GRID2: variants seen among roughly 807,000 people sequenced by gnomAD.
GRID2 encodes the protein glutamate receptor ionotropic, delta-2.
GRID2 carries 33 observed loss-of-function variants against 114.8 expected under a neutral mutation model. The ratio of observed to expected loss-of-function variants is 0.29; its 90% CI spans 0.22 to 0.38. GRID2 has a LOEUF of 0.38. GRID2 is among the 10% of genes least tolerant of loss of function. GRID2 has a pLI of 1.00. For missense variants in GRID2, 1,184 were observed against 1,257.7 expected, an observed-to-expected ratio of 0.94 and a Z score of 0.89; for synonymous variants, 505 against 449.9, an observed-to-expected ratio of 1.12 and a Z score of -1.55.
intron 14 of GRID2, among the ~76,000 whole-genome samples, chr4:93,644,503 A>G (rs902944566): frequency 6.6e-6 from 1 of 152,042 alleles, no homozygotes; most frequent in Non-Finnish European, 1.5e-5. Flanking sequence ...TTTTGTTCTG[A>G]TGATTTTTCT....
intron 4 of GRID2, among the ~76,000 whole-genome samples, chr4:93,147,031 C>T (rs958725474): frequency 2.0e-5 from 3 of 151,874 alleles, no homozygotes; most frequent in South Asian, 2.1e-4. Context: ...AAATGTATTC[C>T]GTAAAGGTCT....
At chr4:92,823,314 A>G (rs1214657304) in intron 2 of GRID2, among the ~76,000 whole-genome samples, 3 of 152,168 alleles carry the variant, frequency 2.0e-5, no homozygotes, top group Non-Finnish European at 4.4e-5. Context: ...GCAGCCTTTT[A>G]TATTTAAAAT....
At chr4:93,778,662 T>G (rs1259452544), downstream of GRID2, among the ~76,000 whole-genome samples, 1 of 152,152 alleles carries the variant, frequency 6.6e-6, no homozygotes, top group Non-Finnish European at 1.5e-5. Context: ...TCTCCCAAAG[T>G]GCTGAGATTA....
At chr4:92,792,087 C>A (rs1739617103) in intron 2 of GRID2, among the ~76,000 whole-genome samples, 1 of 151,772 alleles carries the variant, frequency 6.6e-6, no homozygotes, top group Non-Finnish European at 1.5e-5. Context: ...ACTTGGTGAC[C>A]AAGAGCCTCT....
intron 2 of GRID2, among the ~76,000 whole-genome samples, chr4:92,895,206 G>A (rs1747071623): frequency 6.6e-6 from 1 of 151,528 alleles, no homozygotes; most frequent in Admixed American, 6.6e-5. Context: ...AGGCCAACAT[G>A]GGGTAGAATG....
At chr4:93,170,193 C>G (rs1055188986) in intron 4 of GRID2, among the ~76,000 whole-genome samples, 1 of 152,116 alleles carries the variant, frequency 6.6e-6, no homozygotes, top group Admixed American at 6.5e-5. Context: ...AAGCAATTCT[C>G]CTACCTTAGC....
At chr4:92,672,941 A>G (rs1487798688) in intron 2 of GRID2, among the ~76,000 whole-genome samples, 3 of 152,104 alleles carry the variant, frequency 2.0e-5, no homozygotes, top group Non-Finnish European at 4.4e-5. Context: ...GTGTGTATTT[A>G]AGCCCATTAA....
At chr4:93,440,017 G>A (rs774600156) in intron 10 of GRID2, among the ~76,000 whole-genome samples, 1 of 152,030 alleles carries the variant, frequency 6.6e-6, no homozygotes, top group Non-Finnish European at 1.5e-5. Flanking sequence ...GAGCTGGCAA[G>A]GACAAAGACC....
At chr4:93,752,439 T>C (rs193173852) in intron 14 of GRID2, among the ~76,000 whole-genome samples, 84 of 152,250 alleles carry the variant, frequency 5.5e-4, no homozygotes, top group Non-Finnish European at 1.1e-3. Context: ...GGTGCAATCT[T>C]GGCTCACTGC....
chr4:93,013,889 G>T (rs1044507600), intron 2 of GRID2, among the ~76,000 whole-genome samples: 3 of 151,716 alleles, frequency 2.0e-5, no homozygotes, highest in African/African-American at 7.3e-5. Context: ...GCATATTGTA[G>T]GATTAGGGAA....
chr4:92,892,190 A>G (rs1746839024), intron 2 of GRID2, among the ~76,000 whole-genome samples: 1 of 152,138 alleles, frequency 6.6e-6, no homozygotes, highest in Middle Eastern at 3.4e-3. Flanking sequence ...AAGCCTCCCT[A>G]GTAGCTGGGA....
At chr4:93,355,459 A>T (rs1006266112) in intron 8 of GRID2, among the ~76,000 whole-genome samples, 4 of 152,058 alleles carry the variant, frequency 2.6e-5, no homozygotes, top group African/African-American at 9.7e-5. Flanking sequence ...TTCTCACAGC[A>T]CAGCTGAAGA....
At chr4:92,763,607 C>T (rs1738124930) in intron 2 of GRID2, among the ~76,000 whole-genome samples, 1 of 152,138 alleles carries the variant, frequency 6.6e-6, no homozygotes, top group African/African-American at 2.4e-5. Flanking sequence ...ATTTTGTACC[C>T]ATATAAGTGA....
intron 2 of GRID2, among the ~76,000 whole-genome samples, chr4:92,818,775 A>G (rs1741075474): frequency 6.6e-6 from 1 of 152,140 alleles, no homozygotes; most frequent in African/African-American, 2.4e-5. Flanking sequence ...TATCAGACAC[A>G]TATGAATATA....
rs58755199 is a variant in GRID2 at position 93,317,986 on chromosome 4, AATATATATATATATATATATAT to A, written c.1246-77606_1246-77585del. ...GTTTTATCTTTCCCTTTAAAAGTGA[AATATATATATATATATATATAT>A]ATATATATATATATTACTACTTTCT... On this transcript the variant is annotated intron_variant, in intron 8 of 15. Coordinates refer to ENST00000282020, the MANE Select transcript of GRID2 (RefSeq NM_001510.4). Among the ~76,000 whole-genome samples, 73 of 100,916 alleles carry A rather than the reference AATATATATATATATATATATAT, an allele frequency of 7.2e-4. 1 individual carries two copies. The East Asian group carries it at 0.01, about 14-fold the overall frequency. 66.2% of individuals were successfully genotyped at this position (100,916 alleles called of 152,430 possible). A position where few individuals can be genotyped will look rare whatever the true frequency, so the allele number is the denominator to read the frequency against.
At chr4:93,088,648 G>A (rs986263954) in intron 3 of GRID2, among the ~76,000 whole-genome samples, 2 of 152,086 alleles carry the variant, frequency 1.3e-5, no homozygotes, top group Non-Finnish European at 2.9e-5. Context: ...AATAGACAGT[G>A]TGATCAAATA....
At chr4:92,986,899 G>A (rs1754540197) in intron 2 of GRID2, among the ~76,000 whole-genome samples, 1 of 152,142 alleles carries the variant, frequency 6.6e-6, no homozygotes, top group Admixed American at 6.6e-5. Context: ...ACAGCTTGGT[G>A]AGTTGACAGA....
chr4:93,707,710 T>C (rs1578624482), intron 14 of GRID2, among the ~76,000 whole-genome samples: 1 of 151,984 alleles, frequency 6.6e-6, no homozygotes, highest in African/African-American at 2.4e-5. Context: ...TGATCTTTAT[T>C]ATTTCTTTCC....
chr4:93,724,413 C>T (rs2110202851), intron 14 of GRID2, among the ~76,000 whole-genome samples: 1 of 152,100 alleles, frequency 6.6e-6, no homozygotes. Context: ...ACTTATTATG[C>T]TTTTAACTTA....
Sources: allele counts gnomAD v4.1 joint callset (sites outside exome capture counted in the v4.1 genomes callset), GRCh38; gene constraint gnomAD v4.1.1; transcripts MANE v1.5; gene names NCBI Gene and HGNC (gene_info 2026-07-23, HGNC 2026-07-21).